The following CCR5AS variants were observed in gnomAD, a reference collection of about 807,000 sequenced individuals.
The protein encoded by CCR5AS is CCR5 antisense RNA.
At chr3:46,399,977 T>G (rs971387046) in intron 1 of CCR5AS, among the ~76,000 whole-genome samples, 1 of 152,192 alleles carries the variant, frequency 6.6e-6, no homozygotes, top group Admixed American at 6.5e-5. Context: ...TCCACATAGC[T>G]AAGCGGTTTT....
chr3:46,378,659 G>A (rs926396041), intron 2 of CCR5AS, among the ~76,000 whole-genome samples: 6 of 152,258 alleles, frequency 3.9e-5, no homozygotes, highest in East Asian at 1.9e-4. Flanking sequence ...TGTCTCTGCC[G>A]GCACCATCCC....
chr3:46,378,111 G>A (rs1244520055), intron 2 of CCR5AS, among the ~76,000 whole-genome samples: 1 of 152,156 alleles, frequency 6.6e-6, no homozygotes, highest in African/African-American at 2.4e-5. Context: ...TCGGGGATAA[G>A]GCTGAACAGA....
intron 1 of CCR5AS, among the ~76,000 whole-genome samples, chr3:46,399,363 T>G (rs1701987508): frequency 6.6e-6 from 1 of 152,046 alleles, no homozygotes; most frequent in African/African-American, 2.4e-5. Flanking sequence ...CTCAGTGGAA[T>G]GGTGGGGGCA....
At chr3:46,403,200 AT>A (rs1403650153) in intron 1 of CCR5AS, among the ~76,000 whole-genome samples, 1 of 152,228 alleles carries the variant, frequency 6.6e-6, no homozygotes, top group African/African-American at 2.4e-5. Context: ...TGCAATGAAC[AT>A]TCACATGCGT....
At chr3:46,380,020 T>C (rs1391141035) in intron 2 of CCR5AS, among the ~76,000 whole-genome samples, 1 of 152,236 alleles carries the variant, frequency 6.6e-6, no homozygotes. Flanking sequence ...GCAGGGGGTC[T>C]GCACACTGGC....
chr3:46,382,107 G>A (rs1395131932), intron 2 of CCR5AS, among the ~76,000 whole-genome samples: 4 of 152,208 alleles, frequency 2.6e-5, no homozygotes, highest in African/African-American at 4.8e-5. Context: ...GGTGAATGCC[G>A]GCAGCTGTGC....
chr3:46,371,223 T>C (rs1575278320), intron 3 of CCR5AS: 1 of 152,186 alleles, frequency 6.6e-6, no homozygotes, highest in East Asian at 1.9e-4. Flanking sequence ...CAATAGTATT[T>C]TAATAACTAA....
At chr3:46,396,763 C>T (rs1575287393) in intron 1 of CCR5AS, among the ~76,000 whole-genome samples, 1 of 152,206 alleles carries the variant, frequency 6.6e-6, no homozygotes, top group Non-Finnish European at 1.5e-5. Flanking sequence ...GGCAGCTTCT[C>T]CCTCTGCCTG....
intron 1 of CCR5AS, among the ~76,000 whole-genome samples, chr3:46,403,579 G>A (rs538133123): frequency 2.2e-4 from 34 of 152,338 alleles, no homozygotes; most frequent in African/African-American, 7.9e-4. Flanking sequence ...CTCAAAAAAT[G>A]CCCTCCCTCC....
intron 2 of CCR5AS, among the ~76,000 whole-genome samples, chr3:46,378,438 G>T (rs1217492724): frequency 6.6e-6 from 1 of 151,910 alleles, no homozygotes; most frequent in Non-Finnish European, 1.5e-5. Context: ...ATGTTTTGGG[G>T]ACTTATTTTT....
At chr3:46,390,154 C>A (rs1318148959) in intron 2 of CCR5AS, among the ~76,000 whole-genome samples, 1 of 152,028 alleles carries the variant, frequency 6.6e-6, no homozygotes, top group Admixed American at 6.5e-5. Flanking sequence ...GTAGAAAAAT[C>A]CAGGTGAGTT....
intron 2 of CCR5AS, among the ~76,000 whole-genome samples, chr3:46,389,274 G>C (rs1340135645): frequency 1.3e-5 from 2 of 152,214 alleles, no homozygotes; most frequent in African/African-American, 4.8e-5. Context: ...GAGAGATCAG[G>C]CTGGCTGTCT....
At chr3:46,372,731 A>C in intron 2 of CCR5AS, 1 of 529,218 alleles carries the variant, frequency 1.9e-6, no homozygotes, top group Non-Finnish European at 3.3e-6. Context: ...CCTTCCCTTC[A>C]CTACAAAACT....
chr3:46,385,779 C>T (rs1701855709), intron 2 of CCR5AS, among the ~76,000 whole-genome samples: 1 of 151,892 alleles, frequency 6.6e-6, no homozygotes, highest in Non-Finnish European at 1.5e-5. Context: ...CTGGTTCTGT[C>T]ACCCAGGCTG....
intron 1 of CCR5AS, among the ~76,000 whole-genome samples, chr3:46,398,496 T>C (rs1701979781): frequency 6.6e-6 from 1 of 152,144 alleles, no homozygotes; most frequent in Non-Finnish European, 1.5e-5. Context: ...TTATTAAAAT[T>C]GTTTTTATAA....
chr3:46,372,366 A>G (rs1283952155), intron 2 of CCR5AS, among the ~76,000 whole-genome samples: 3 of 152,124 alleles, frequency 2.0e-5, no homozygotes, highest in Admixed American at 6.5e-5. Context: ...TCTTGTATCT[A>G]TAAAAATAAA....
intron 2 of CCR5AS, chr3:46,375,704 C>T (rs1024539428): frequency 4.8e-5 from 8 of 166,776 alleles, no homozygotes; most frequent in Non-Finnish European, 7.3e-5. Flanking sequence ...GATGCCTTCT[C>T]CAGACAAACC....
intron 1 of CCR5AS, among the ~76,000 whole-genome samples, chr3:46,401,103 G>A (rs1447684261): frequency 6.6e-6 from 1 of 152,166 alleles, no homozygotes; most frequent in Non-Finnish European, 1.5e-5. Flanking sequence ...GGCAGAGGAA[G>A]CACAAATCAA....
chr3:46,369,307 T>C (rs1489368244), intron 3 of CCR5AS, among the ~76,000 whole-genome samples: 2 of 152,228 alleles, frequency 1.3e-5, no homozygotes, highest in Admixed American at 6.5e-5. Flanking sequence ...GCAGCATGAC[T>C]GCAGTTCTTA....
Sources: gnomAD v4.1 joint callset for allele counts (sites outside exome capture counted in the v4.1 genomes callset) on GRCh38, gnomAD v4.1.1 for gene constraint, MANE v1.5 for transcripts, NCBI Gene and HGNC (gene_info 2026-07-23, HGNC 2026-07-21) for gene names.